Variants in ZNF43 observed in about 807,000 individuals in gnomAD.
ZNF43 encodes the protein zinc finger protein 43, also known as zinc finger protein 39-like 1 (KOX 27).
ZNF43 carries 44 observed loss-of-function variants against 68.4 expected under a neutral mutation model. The ratio of observed to expected loss-of-function variants is 0.64; its 90% CI spans 0.51 to 0.83. ZNF43 has a LOEUF of 0.83. Among genes scored for constraint, ZNF43 ranks in the 40% least tolerant of loss-of-function variants. The probability of loss-of-function intolerance (pLI) is 0.00; values close to 1 mark genes in which losing one functional copy is unlikely to be tolerated. For synonymous variants in ZNF43, 308 were observed against 307.8 expected, an observed-to-expected ratio of 1.00 and a Z score of -0.01; for missense variants, 896 against 933.2, an observed-to-expected ratio of 0.96 and a Z score of 0.52.
At chr19:21,824,124 T>C (rs1254959315) in intron 1 of ZNF43, among the ~76,000 whole-genome samples, 1 of 152,110 alleles carries the variant, frequency 6.6e-6, no homozygotes, top group African/African-American at 2.4e-5. Flanking sequence ...AGGCGGAGCT[T>C]GCAGTGCACC....
At chr19:21,831,572 G>A (rs1280302189) in intron 1 of ZNF43, among the ~76,000 whole-genome samples, 2 of 151,998 alleles carry the variant, frequency 1.3e-5, no homozygotes, top group Non-Finnish European at 2.9e-5. Flanking sequence ...TGTTGGCCAG[G>A]CTGACCTCGA....
At chr19:21,824,150 C>T (rs1008548956) in intron 1 of ZNF43, among the ~76,000 whole-genome samples, 7 of 152,078 alleles carry the variant, frequency 4.6e-5, no homozygotes, top group Admixed American at 6.5e-5. Flanking sequence ...CGTGCCACTG[C>T]GCTCCAGCCC....
intron 1 of ZNF43, among the ~76,000 whole-genome samples, chr19:21,843,748 C>T (rs1967704051): frequency 6.6e-6 from 1 of 152,090 alleles, no homozygotes; most frequent in Non-Finnish European, 1.5e-5. Context: ...TGCCATTGCA[C>T]TCCGGCCTGG....
Position 21,807,978 on chromosome 19 carries a change from A to G in ZNF43, c.2059T>C (p.Phe687Leu). 6.2e-7 allele frequency: 1 copy of G among 1,612,848 alleles called. No homozygotes were observed. The highest frequency in any genetic ancestry group is 8.5e-7 in the Non-Finnish European group (1 of 1,179,850). ...PYKCEECGKA[F>L]KLSSTLSTHK... ...GTAGAAAGGGTTGAGGACAGTTTAA[A>G]AGCTTTGCCACATTCTTCACATTTG... The change falls in exon 4 of 4, where the codon TTT becomes CTT. Residue 687 changes from phenylalanine to leucine, a missense_variant. Physicochemically the swap from Phe to Leu is conservative, Grantham distance 22. Transcript: ENST00000354959.
intron 1 of ZNF43, among the ~76,000 whole-genome samples, chr19:21,820,827 G>GTA (rs1041591710): frequency 7.7e-5 from 11 of 143,448 alleles, no homozygotes; most frequent in Admixed American, 2.1e-4. Flanking sequence ...CCCATGTTCT[G>GTA]TAATTTTTTT....
chr19:21,851,499 C>G (rs1197917293), intron 1 of ZNF43: 1 of 149,702 alleles, frequency 6.7e-6, no homozygotes, highest in African/African-American at 2.6e-5. Context: ...GAGATCGCGC[C>G]ACTACATTTC....
At chr19:21,831,606 A>C (rs999341465) in intron 1 of ZNF43, among the ~76,000 whole-genome samples, 1 of 151,982 alleles carries the variant, frequency 6.6e-6, no homozygotes, top group Non-Finnish European at 1.5e-5. Flanking sequence ...TGATCCGCCC[A>C]CCTCGGCCTC....
chr19:21,835,697 C>A (rs1385743402), intron 1 of ZNF43, among the ~76,000 whole-genome samples: 2 of 152,230 alleles, frequency 1.3e-5, no homozygotes, highest in South Asian at 4.1e-4. Context: ...ACTAGAAATG[C>A]CACGGACCAA....
At chr19:21,829,926 C>T (rs2038340369) in intron 1 of ZNF43, among the ~76,000 whole-genome samples, 1 of 152,078 alleles carries the variant, frequency 6.6e-6, no homozygotes, top group African/African-American at 2.4e-5. Flanking sequence ...AAAATCAGAT[C>T]TGAACTGGAG....
upstream of ZNF43, chr19:21,836,306 G>T: frequency 8.3e-7 from 1 of 1,202,766 alleles, no homozygotes; most frequent in Non-Finnish European, 1.1e-6. Flanking sequence ...AACCCTGAAT[G>T]AAAGATGTGA....
rs140608574 is a variant in ZNF43 at position 21,825,193 on chromosome 19, C to A, written c.4-5972G>T. Reference sequence around the variant, plus strand: ...GGGTTGCAGTGAGCCTAGATTGCACCATTGTACTCCAGCCTGGGCAACAAG... The same window carrying A: ...GGGTTGCAGTGAGCCTAGATTGCACAATTGTACTCCAGCCTGGGCAACAAG... On this transcript the variant is annotated intron_variant, in intron 1 of 3. Transcript: ENST00000354959. Among the ~76,000 whole-genome samples the A allele has an allele frequency of 4.5e-3, 691 of 152,132 alleles. 5 individuals are homozygous for A. Among genetic ancestry groups the A allele is most frequent in the African/African-American group, 0.016 (661 of 41,496 alleles).
At chr19:21,835,962 G>C in intron 1 of ZNF43, 74 bp downstream of exon 1, 1 of 1,608,978 alleles carries the variant, frequency 6.2e-7, no homozygotes, top group Non-Finnish European at 8.5e-7. Flanking sequence ...GCAGATTGTG[G>C]AGCTGACTGC....
intron 3 of ZNF43, chr19:21,811,974 GA>G (rs1412793305): frequency 2.5e-6 from 1 of 397,828 alleles, no homozygotes; most frequent in African/African-American, 2.1e-5. Context: ...GAACAGCAAA[GA>G]AAAGAACAGA....
chr19:21,824,732 T>TAAAAA (rs34739856), intron 1 of ZNF43, among the ~76,000 whole-genome samples: 2 of 107,242 alleles, frequency 1.9e-5, no homozygotes, highest in African/African-American at 3.2e-5. Flanking sequence ...TATGTTTACC[T>TAAAAA]AAAAAAAAAA....
chr19:21,826,223 T>C (rs539561338), intron 1 of ZNF43, among the ~76,000 whole-genome samples: 2 of 151,722 alleles, frequency 1.3e-5, no homozygotes, highest in South Asian at 2.1e-4. Flanking sequence ...TGCAGCACAA[T>C]TGTGAATAGA....
At chr19:21,832,120 C>A (rs2145319878) in intron 1 of ZNF43, among the ~76,000 whole-genome samples, 1 of 152,252 alleles carries the variant, frequency 6.6e-6, no homozygotes, top group East Asian at 1.9e-4. Context: ...AGTACATTAC[C>A]TGACTTCAAA....
chr19:21,834,335 C>CA (rs34305940), intron 1 of ZNF43, among the ~76,000 whole-genome samples: 1,188 of 86,296 alleles, frequency 0.014, 12 homozygotes, highest in Middle Eastern at 0.042. Context: ...AACACTGTCT[C>CA]AAAAAAAAAA....
At chr19:21,832,177 GAAAC>G (rs2038454314) in intron 1 of ZNF43, among the ~76,000 whole-genome samples, 1 of 152,066 alleles carries the variant, frequency 6.6e-6, no homozygotes, top group Admixed American at 6.6e-5. Context: ...TACTGTTATA[GAAAC>G]AAACTCATAG....
chr19:21,837,328 G>A (rs1327348557), upstream of ZNF43, among the ~76,000 whole-genome samples: 1 of 150,806 alleles, frequency 6.6e-6, no homozygotes, highest in Non-Finnish European at 1.5e-5. Context: ...TTCATAAAAA[G>A]GCTAAAAAGT....
Sources: gnomAD v4.1 joint callset for allele counts (sites outside exome capture counted in the v4.1 genomes callset) on GRCh38, gnomAD v4.1.1 for gene constraint, MANE v1.5 for transcripts, NCBI Gene and HGNC (gene_info 2026-07-23, HGNC 2026-07-21) for gene names.